Variants in TOP6BL observed in about 807,000 individuals in gnomAD.
TOP6BL encodes the protein type 2 DNA topoisomerase 6 subunit B-like.
the TOP6BL span, chr11:66,756,345 T>C: frequency 3.3e-6 from 4 of 1,204,888 alleles, no homozygotes; most frequent in Admixed American, 9.4e-5. Flanking sequence ...CCCTTTTTTT[T>C]TTCTCAGGAT....
At chr11:66,838,333 A>G in the TOP6BL span, 1 of 1,596,364 alleles carries the variant, frequency 6.3e-7, no homozygotes, top group Non-Finnish European at 8.6e-7. Context: ...TCATGTTTCT[A>G]CAAAACTCAC....
At chr11:66,753,069 C>CAG in the TOP6BL span, among the ~76,000 whole-genome samples, 2 of 151,986 alleles carry the variant, frequency 1.3e-5, no homozygotes, top group East Asian at 2.0e-4. Flanking sequence ...GCGGAGGTTG[C>CAG]AGTGAGCCAA....
chr11:66,782,892 A>G, the TOP6BL span, among the ~76,000 whole-genome samples: 1 of 152,202 alleles, frequency 6.6e-6, no homozygotes, highest in African/African-American at 2.4e-5. Context: ...CTTGATACTG[A>G]TAATGATCTC....
chr11:66,836,410 A>C, the TOP6BL span, among the ~76,000 whole-genome samples: 1 of 151,400 alleles, frequency 6.6e-6, no homozygotes, highest in African/African-American at 2.4e-5. Flanking sequence ...GGGGTTTCAC[A>C]ATGTTAGCCA....
At chr11:66,825,110 C>T in the TOP6BL span, among the ~76,000 whole-genome samples, 110 of 151,864 alleles carry the variant, frequency 7.2e-4, 1 homozygote, top group East Asian at 5.0e-3. Flanking sequence ...GTGATCCACC[C>T]GCCTTGGCCT....
At chr11:66,788,725 G>A in the TOP6BL span, among the ~76,000 whole-genome samples, 5 of 152,116 alleles carry the variant, frequency 3.3e-5, no homozygotes, top group East Asian at 1.9e-4. Context: ...GATCTCTAAT[G>A]TCTCTTTATT....
the TOP6BL span, among the ~76,000 whole-genome samples, chr11:66,827,320 G>C: frequency 6.6e-6 from 1 of 152,212 alleles, no homozygotes; most frequent in African/African-American, 2.4e-5. Context: ...AAAGTGCTGG[G>C]ATTACAGGCG....
the TOP6BL span, among the ~76,000 whole-genome samples, chr11:66,774,714 G>T: frequency 1.3e-5 from 2 of 151,730 alleles, no homozygotes; most frequent in Non-Finnish European, 2.9e-5. Context: ...CTCGTGATCC[G>T]CCCGCCTTTG....
the TOP6BL span, among the ~76,000 whole-genome samples, chr11:66,768,294 A>C: frequency 2.6e-5 from 4 of 152,166 alleles, no homozygotes; most frequent in African/African-American, 9.7e-5. Context: ...TTCAAGAATA[A>C]AAATCTATTA....
chr11:66,775,916 G>C, the TOP6BL span, among the ~76,000 whole-genome samples: 4 of 151,950 alleles, frequency 2.6e-5, no homozygotes, highest in Non-Finnish European at 2.9e-5. Context: ...TATTATGAAT[G>C]ATATTCATTT....
chr11:66,762,388 C>A, the TOP6BL span: 1 of 363,234 alleles, frequency 2.8e-6, no homozygotes. Context: ...CTCAGCGCAG[C>A]AGTGGCAGCA....
At chr11:66,763,033 C>T in the TOP6BL span, among the ~76,000 whole-genome samples, 2 of 152,072 alleles carry the variant, frequency 1.3e-5, no homozygotes, top group African/African-American at 4.8e-5. Context: ...ATTGAGACCC[C>T]CATCTCTACA....
chr11:66,745,008 G>C, the TOP6BL span: 2 of 1,203,664 alleles, frequency 1.7e-6, no homozygotes, highest in Non-Finnish European at 2.1e-6. Context: ...AGAGGGGTCG[G>C]GCGTCGCCTA....
the TOP6BL span, among the ~76,000 whole-genome samples, chr11:66,770,987 T>C: frequency 6.6e-6 from 1 of 152,172 alleles, no homozygotes; most frequent in Non-Finnish European, 1.5e-5. Context: ...GGGTACGCTA[T>C]AAATTTAAGG....
At chr11:66,839,905 G>A in the TOP6BL span, among the ~76,000 whole-genome samples, 1 of 152,170 alleles carries the variant, frequency 6.6e-6, no homozygotes, top group Non-Finnish European at 1.5e-5. Flanking sequence ...GGGGGCAGGG[G>A]GAGGCATGGA....
At chr11:66,822,786 T>C in the TOP6BL span, 16 of 697,714 alleles carry the variant, frequency 2.3e-5, no homozygotes, top group South Asian at 2.9e-4. Context: ...GGAGGATTGC[T>C]TGAGCCCAGG....
chr11:66,828,151 T>A, the TOP6BL span: 1 of 665,162 alleles, frequency 1.5e-6, no homozygotes, highest in Non-Finnish European at 2.6e-6. Context: ...CTCTTAACTT[T>A]AATGGCTTGC....
At chr11:66,747,715 C>T in the TOP6BL span, among the ~76,000 whole-genome samples, 1 of 152,046 alleles carries the variant, frequency 6.6e-6, no homozygotes, top group Non-Finnish European at 1.5e-5. Flanking sequence ...ATCTTATGGG[C>T]TCAAGAGATC....
the TOP6BL span, among the ~76,000 whole-genome samples, chr11:66,823,569 C>T: frequency 6.6e-6 from 1 of 151,892 alleles, no homozygotes; most frequent in Non-Finnish European, 1.5e-5. Context: ...GCCTGTAATC[C>T]CAGCACTTTG....
Sources: allele counts gnomAD v4.1 joint callset (sites outside exome capture counted in the v4.1 genomes callset), GRCh38; gene constraint gnomAD v4.1.1; transcripts MANE v1.5; gene names NCBI Gene and HGNC (gene_info 2026-07-23, HGNC 2026-07-21).